PTPRT: variants seen among roughly 807,000 people sequenced by gnomAD.
PTPRT encodes receptor-type tyrosine-protein phosphatase T.
PTPRT carries 56 observed loss-of-function variants against 176.8 expected under a neutral mutation model. The ratio of observed to expected loss-of-function variants is 0.32; its 90% confidence interval spans 0.26 to 0.40. The LOEUF is 0.40. Among genes scored for constraint, PTPRT ranks in the 10% least tolerant of loss-of-function variants. The pLI, the probability that PTPRT is intolerant of heterozygous loss-of-function variation, is 1.00. For missense variants in PTPRT, 1,540 were observed against 1,908.2 expected (o/e 0.81, Z 3.60); for synonymous variants, 783 against 739.0 (o/e 1.06, Z -0.96).
intron 2 of PTPRT, among the ~76,000 whole-genome samples, chr20:42,845,168 C>T (rs4812658): frequency 0.1 from 15,735 of 152,144 alleles, 1,091 homozygotes; most frequent in East Asian, 0.35. Context: ...TCAGGATCCT[C>T]GGAGCAGTCA....
At position 42,236,906 on chromosome 20, in the gene PTPRT, G is replaced by A. The variant is rs529866791; in HGVS notation, c.2313-648C>T. On this transcript the variant is annotated intron_variant, in intron 14 of 30. Transcript: ENST00000373187. ...ACTGACCCTGTGTGAATAGAATGTG[G>A]TAGGAATTATGTTCTGGGACTTTCC... Among the ~76,000 whole-genome samples the A allele has an allele frequency of 1.5e-3, 230 of 152,156 alleles. 1 individual carries two copies. Among genetic ancestry groups the A allele is most frequent in the Middle Eastern group, 3.4e-3 (1 of 294 alleles).
Position 42,191,159 on chromosome 20 carries a change from C to T in PTPRT, c.2491+8081G>A, listed in dbSNP as rs548205587. 4.7e-5 allele frequency among the ~76,000 whole-genome samples: 7 copies of T among 148,874 alleles called. No homozygotes were observed. The South Asian group carries it at 1.5e-3, about 31-fold the overall frequency. ...CAGACTAGGAGGATTAAGTGATTGGCTGACACAACCAGAAATAAAAAAAAA... is the reference window on the plus strand; with the variant it reads ...CAGACTAGGAGGATTAAGTGATTGGTTGACACAACCAGAAATAAAAAAAAA... On this transcript the variant is annotated intron_variant, in intron 16 of 30. Coordinates refer to ENST00000373187, the MANE Select transcript of PTPRT (RefSeq NM_007050.6).
chr20:42,678,139 G>A lies in PTPRT; in HGVS notation c.880C>T (p.Pro294Ser), dbSNP rs2146069037. The A allele has an allele frequency of 6.2e-7, 1 of 1,613,838 alleles. No individual in the cohort carries two copies. The highest frequency in any genetic ancestry group is 8.5e-7 in the Non-Finnish European group (1 of 1,179,852). Residue 294 changes from proline to serine, a missense_variant, in exon 7 of 31, where the codon CCC (proline) becomes TCC (serine). This residue lies in a region of PTPRT where 273 missense variants were observed against 432.1 expected (regional missense o/e 0.63). Transcript: ENST00000373187. ...GCCCCCACAGCCAGCAGCTCTGGGG[G>A]AGCAATGGGCGTGGGAGGCTCTGTA... ...IVKEPPTPIAPPELLAVGATY... is the reference protein window; with the variant it reads ...IVKEPPTPIASPELLAVGATY...
Position 42,141,972 on chromosome 20 carries a change from C to G in PTPRT, c.2713G>C (p.Asp905His). 1 of 1,614,120 alleles carries G rather than the reference C, an allele frequency of 6.2e-7. No homozygotes were observed. Among genetic ancestry groups the G allele is most frequent in the Non-Finnish European group, 8.5e-7 (1 of 1,179,990 alleles). Residue 905 changes from aspartate to histidine, a missense_variant, in exon 18 of 31, where the codon GAC (aspartate) becomes CAC (histidine). Physicochemically the swap from Asp to His is moderately conservative, Grantham distance 81. This residue lies in a region of PTPRT where 248 missense variants were observed against 356.7 expected (regional missense o/e 0.70). Transcript: ENST00000373187. ...ALPEGQTASW[D>H]TAKEDENRNK... Reference sequence around the variant, plus strand: ...CGGTTTTCATCCTCCTTGGCTGTGTCCCACGAAGCTGTCTGCCCCTCTGGT... The same window carrying G: ...CGGTTTTCATCCTCCTTGGCTGTGTGCCACGAAGCTGTCTGCCCCTCTGGT...
chr20:42,654,984 T>G (rs2145981113), intron 7 of PTPRT, among the ~76,000 whole-genome samples: 1 of 152,340 alleles, frequency 6.6e-6, no homozygotes, highest in African/African-American at 2.4e-5. Flanking sequence ...TCACGAGACC[T>G]TCTTCAGCAA....
At chr20:42,266,574 G>A (rs1304507231) in intron 13 of PTPRT, among the ~76,000 whole-genome samples, 1 of 152,140 alleles carries the variant, frequency 6.6e-6, no homozygotes, top group Non-Finnish European at 1.5e-5. Context: ...ATCCTGGCCA[G>A]AAGAGGATTT....
chr20:42,518,234 T>C (rs1226210602), intron 7 of PTPRT, among the ~76,000 whole-genome samples: 1 of 152,014 alleles, frequency 6.6e-6, no homozygotes, highest in Non-Finnish European at 1.5e-5. Flanking sequence ...CTAGTGTCCC[T>C]TTTCCTCTAA....
intron 9 of PTPRT, among the ~76,000 whole-genome samples, chr20:42,383,197 G>A (rs2058712989): frequency 6.6e-6 from 1 of 152,166 alleles, no homozygotes; most frequent in Admixed American, 6.5e-5. Flanking sequence ...CAGGACTTCT[G>A]AAATTATAGT....
chr20:42,850,940 C>T (rs955984824), intron 2 of PTPRT, among the ~76,000 whole-genome samples: 1 of 152,166 alleles, frequency 6.6e-6, no homozygotes, highest in African/African-American at 2.4e-5. Context: ...GTCTCACTCC[C>T]CACAGACATC....
intron 7 of PTPRT, among the ~76,000 whole-genome samples, chr20:42,604,110 A>T (rs947707519): frequency 2.0e-5 from 3 of 152,214 alleles, no homozygotes; most frequent in Non-Finnish European, 2.9e-5. Flanking sequence ...TGCGGAGCCC[A>T]TGTTGCAGGT....
intron 1 of PTPRT, among the ~76,000 whole-genome samples, chr20:43,109,205 A>G (rs954314111): frequency 1.3e-5 from 2 of 152,202 alleles, no homozygotes; most frequent in African/African-American, 2.4e-5. Context: ...TCAGGACTGT[A>G]TGGGAAAGGG....
At chr20:43,014,160 A>G (rs1985265778) in intron 1 of PTPRT, among the ~76,000 whole-genome samples, 2 of 152,164 alleles carry the variant, frequency 1.3e-5, no homozygotes, top group Admixed American at 6.5e-5. Context: ...TTGGAAAAAG[A>G]GTTCCCCCTG....
rs141715052 is a variant in PTPRT at position 42,812,909 on chromosome 20, T to C, written c.215-21443A>G. On this transcript the variant is annotated intron_variant, in intron 2 of 30. Transcript: ENST00000373187. ...TTATATTTGAATAAATAAAAGGTTA[T>C]ATGTTTATACCTTTAGAGTATATAT... Among the ~76,000 whole-genome samples the C allele has an allele frequency of 9.2e-5, 14 of 152,302 alleles. No homozygotes were observed. The South Asian group carries it at 1.4e-3, about 16-fold the overall frequency.
At chr20:42,614,050 A>G (rs1038264773) in intron 7 of PTPRT, among the ~76,000 whole-genome samples, 1 of 152,052 alleles carries the variant, frequency 6.6e-6, no homozygotes, top group African/African-American at 2.4e-5. Context: ...CTGAAAGTCC[A>G]AGATCAAGGT....
At chr20:42,569,111 T>TATATATATATATATATATATAA (rs2073107164) in intron 7 of PTPRT, among the ~76,000 whole-genome samples, 1 of 98,448 alleles carries the variant, frequency 1.0e-5, no homozygotes, top group Non-Finnish European at 2.0e-5. Flanking sequence ...TATATATATA[T>TATATATATATATATATATATAA]AATTTCAACT....
chr20:42,622,221 G>A (rs1367481079), intron 7 of PTPRT, among the ~76,000 whole-genome samples: 1 of 151,774 alleles, frequency 6.6e-6, no homozygotes, highest in African/African-American at 2.4e-5. Flanking sequence ...TGGAGTACAT[G>A]TAGCTTTTTC....
intron 9 of PTPRT, among the ~76,000 whole-genome samples, chr20:42,377,998 A>C (rs1013250556): frequency 2.6e-5 from 4 of 152,242 alleles, no homozygotes; most frequent in Admixed American, 1.3e-4. Flanking sequence ...TCCTACCCAG[A>C]GGAGGACTGA....
chr20:42,312,487 T>A (rs1306212405), intron 12 of PTPRT, among the ~76,000 whole-genome samples: 1 of 152,274 alleles, frequency 6.6e-6, no homozygotes, highest in East Asian at 1.9e-4. Context: ...CTCAGTAAAA[T>A]TTAATACTAA....
chr20:42,208,301 T>C (rs1232301837), intron 15 of PTPRT, among the ~76,000 whole-genome samples: 4 of 147,060 alleles, frequency 2.7e-5, no homozygotes, highest in African/African-American at 1.0e-4. Flanking sequence ...AATATTAACT[T>C]TAAATGTAAA....
Sources: gnomAD v4.1 joint callset for allele counts (sites outside exome capture counted in the v4.1 genomes callset) on GRCh38, gnomAD v4.1.1 for gene constraint, gnomAD v4.1.1 regional missense constraint, MANE v1.5 for transcripts, NCBI Gene and HGNC (gene_info 2026-07-23, HGNC 2026-07-21) for gene names.